Variants in PLD1 observed in about 807,000 individuals in gnomAD.
PLD1 encodes the protein choline phosphatase 1.
A neutral mutation model predicts 137.1 loss-of-function variants in PLD1; 112 were observed. The ratio of observed to expected loss-of-function variants is 0.82; its 90% CI spans 0.70 to 0.96. The LOEUF (loss-of-function observed/expected upper bound fraction) is 0.96. Among genes scored for constraint, PLD1 ranks in the 40% least tolerant of loss-of-function variants. PLD1 has a pLI of 0.00. For synonymous variants in PLD1, 431 were observed against 454.7 expected, an observed-to-expected ratio of 0.95 and a Z score of 0.66; for missense variants, 1,321 against 1,342.0, an observed-to-expected ratio of 0.98 and a Z score of 0.24.
chr3:171,615,184 A>G (rs1732995438), intron 24 of PLD1, among the ~76,000 whole-genome samples: 1 of 152,230 alleles, frequency 6.6e-6, no homozygotes, highest in Non-Finnish European at 1.5e-5. Context: ...TTTATACAAC[A>G]TATGAGGAAG....
chr3:171,697,237 CTTTTTTTTT>C (rs34340739), intron 12 of PLD1, among the ~76,000 whole-genome samples: 219 of 97,312 alleles, frequency 2.3e-3, no homozygotes, highest in African/African-American at 8.2e-3. Context: ...TTCCGGACAC[CTTTTTTTTT>C]TTTTTTTTTT....
At chr3:171,788,118 C>T (rs182907718) in intron 1 of PLD1, among the ~76,000 whole-genome samples, 41 of 151,036 alleles carry the variant, frequency 2.7e-4, no homozygotes, top group African/African-American at 8.0e-4. Flanking sequence ...CACTTGAGCC[C>T]GGGAGGTTGA....
intron 12 of PLD1, among the ~76,000 whole-genome samples, chr3:171,696,457 T>A (rs1480538051): frequency 6.6e-6 from 1 of 152,226 alleles, no homozygotes; most frequent in Non-Finnish European, 1.5e-5. Flanking sequence ...ACAGCCATCA[T>A]AAGAGATGTT....
At position 171,602,420 on chromosome 3, in the gene PLD1, T is replaced by C. The variant is rs1731890780; in HGVS notation, c.*658A>G. ...ATTGGAATTTATTCCTTCCTGTTGC[T>C]TAGTGGTGTCAAGATACAGTGTCAA... is the stretch of plus-strand genomic sequence containing the variant. On this transcript the variant is annotated 3_prime_UTR_variant, in exon 27 of 27. Transcript: ENST00000351298. The C allele has an allele frequency of 6.6e-6, 1 of 152,428 alleles. No homozygotes were observed. Among genetic ancestry groups the C allele is most frequent in the Non-Finnish European group, 1.5e-5 (1 of 68,228 alleles). The allele number at this position is 152,428 out of a possible 1,614,324, so 9.4% of individuals were successfully genotyped here.
chr3:171,624,710 G>C (rs559359682), intron 23 of PLD1, among the ~76,000 whole-genome samples: 2 of 152,264 alleles, frequency 1.3e-5, no homozygotes, highest in Admixed American at 6.5e-5. Flanking sequence ...AGTGTTACGA[G>C]AAATGAAGAT....
chr3:171,684,135 A>C (rs1714306755), intron 16 of PLD1, among the ~76,000 whole-genome samples: 1 of 152,120 alleles, frequency 6.6e-6, no homozygotes, highest in Non-Finnish European at 1.5e-5. Context: ...TCAGATCACC[A>C]CTGTGGATAT....
intron 1 of PLD1, among the ~76,000 whole-genome samples, chr3:171,776,774 T>C (rs1666826879): frequency 6.6e-6 from 1 of 152,266 alleles, no homozygotes; most frequent in Non-Finnish European, 1.5e-5. Context: ...TCTTAATTAC[T>C]ACAAATTGCT....
At chr3:171,699,906 T>A (rs1716091528) in intron 11 of PLD1, 80 bp from the exon 12 acceptor site, 3 of 1,045,246 alleles carry the variant, frequency 2.9e-6, no homozygotes, top group Non-Finnish European at 1.5e-6. Context: ...CAAAGGCAAT[T>A]TCAGCCCAAT....
intron 1 of PLD1, among the ~76,000 whole-genome samples, chr3:171,797,689 T>A (rs1348094305): frequency 6.6e-6 from 1 of 152,210 alleles, no homozygotes; most frequent in Non-Finnish European, 1.5e-5. Flanking sequence ...TATTTTTAAG[T>A]AAGCAGCTTT....
At position 171,715,618 on chromosome 3, in the gene PLD1, G is replaced by A. The variant is rs376405879; in HGVS notation, c.759-1573C>T. Among the ~76,000 whole-genome samples the A allele has an allele frequency of 2.0e-5, 3 of 151,346 alleles. 1 individual carries two copies. The highest frequency in any genetic ancestry group is 7.3e-5 in the African/African-American group (3 of 41,290). ...ATCCTCTTCAGTTTTTTTTTCATCTGTGTCTTGTAGTTGTTCTTTTTACTA... is the reference window on the plus strand; with the variant it reads ...ATCCTCTTCAGTTTTTTTTTCATCTATGTCTTGTAGTTGTTCTTTTTACTA... On this transcript the variant is annotated intron_variant, in intron 8 of 26. Coordinates refer to ENST00000351298, the MANE Select transcript of PLD1 (RefSeq NM_002662.5).
At chr3:171,795,465 C>T (rs1233311921) in intron 1 of PLD1, among the ~76,000 whole-genome samples, 5 of 152,172 alleles carry the variant, frequency 3.3e-5, no homozygotes, top group Non-Finnish European at 4.4e-5. Context: ...CTTGTATTAC[C>T]ATTGCCTCCT....
Position 171,738,028 on chromosome 3 carries a change from C to T in PLD1, c.24G>A (p.Arg8=), listed in dbSNP as rs1205125480. 4 of 1,613,080 alleles carry T rather than the reference C, an allele frequency of 2.5e-6. No individual in the cohort carries two copies. The highest frequency in any genetic ancestry group is 3.4e-6 in the Non-Finnish European group (4 of 1,179,724). Reference sequence around the variant, plus strand: ...TTTTCTGCAGTGCAGAGGTATTTACCCGTGGCTCGTTTTTCAGTGACATGT... The same window carrying T: ...TTTTCTGCAGTGCAGAGGTATTTACTCGTGGCTCGTTTTTCAGTGACATGT... MSLKNEP[R]VNTSALQKIA... The change falls in exon 2 of 27, where the codon CGG becomes CGA. Residue 8 remains arginine (R), a synonymous_variant. Transcript: ENST00000351298.
chr3:171,642,023 C>T (rs994230695), intron 23 of PLD1, among the ~76,000 whole-genome samples: 1 of 152,032 alleles, frequency 6.6e-6, no homozygotes, highest in Non-Finnish European at 1.5e-5. Flanking sequence ...AGATATAGAG[C>T]AAAGATATAG....
chr3:171,602,950 T>C lies in PLD1; in HGVS notation c.*128A>G, dbSNP rs1250486282. The C allele has an allele frequency of 1.5e-6, 1 of 655,516 alleles. No individual in the cohort carries two copies. The highest frequency in any genetic ancestry group is 1.8e-5 in the African/African-American group (1 of 55,482). 40.6% of individuals were successfully genotyped at this position (655,516 alleles called of 1,614,324 possible). ...ATGTGACTGCAGCCCTCCCCAGTCA[T>C]TCCAAAAGGTCCTTGGGTTGGATAC... On this transcript the variant is annotated 3_prime_UTR_variant, in exon 27 of 27. Coordinates refer to ENST00000351298, the MANE Select transcript of PLD1 (RefSeq NM_002662.5).
chr3:171,672,076 G>A (rs534125197), intron 19 of PLD1, among the ~76,000 whole-genome samples: 2 of 144,312 alleles, frequency 1.4e-5, no homozygotes, highest in East Asian at 4.1e-4. Context: ...TTTGTCTTCT[G>A]AGCAAGCAGG....
intron 23 of PLD1, among the ~76,000 whole-genome samples, chr3:171,620,779 T>TATATATATA (rs1560151285): frequency 3.9e-4 from 50 of 128,678 alleles, no homozygotes; most frequent in African/African-American, 7.5e-4. Flanking sequence ...TTATATATAT[T>TATATATATA]TTTTTTTTAA....
chr3:171,613,402 T>G (rs575849485), intron 24 of PLD1, among the ~76,000 whole-genome samples: 2 of 152,322 alleles, frequency 1.3e-5, no homozygotes, highest in South Asian at 4.1e-4. Context: ...AAGGCATGCC[T>G]ACCAGTTCAG....
chr3:171,715,717 C>A (rs1429922535), intron 8 of PLD1, among the ~76,000 whole-genome samples: 1 of 152,002 alleles, frequency 6.6e-6, no homozygotes, highest in Admixed American at 6.6e-5. Flanking sequence ...TTCATAAAAA[C>A]TCCTCTGATT....
chr3:171,671,739 A>T (rs562516932), intron 19 of PLD1, among the ~76,000 whole-genome samples: 6 of 152,246 alleles, frequency 3.9e-5, no homozygotes, highest in East Asian at 1.9e-4. Context: ...AGCATAAAAA[A>T]GGTGCTAAGG....
Sources: gnomAD v4.1 joint callset for allele counts (sites outside exome capture counted in the v4.1 genomes callset) on GRCh38, gnomAD v4.1.1 for gene constraint, MANE v1.5 for transcripts, NCBI Gene and HGNC (gene_info 2026-07-23, HGNC 2026-07-21) for gene names.